Variants in ANO3 observed in about 807,000 individuals in gnomAD.
ANO3 encodes the protein anoctamin 3, also known as anoctamin-3.
In ANO3, 99 loss-of-function variants were observed where a neutral mutation model predicts 144.8. That is an observed-to-expected ratio of 0.68 (90% confidence interval 0.58 to 0.81). The LOEUF is 0.81. Among genes scored for constraint, ANO3 ranks in the 30% least tolerant of loss-of-function variants. The pLI is 0.00. For missense variants in ANO3, 905 were observed against 1,202.2 expected, an observed-to-expected ratio of 0.75 and a Z score of 3.66; for synonymous variants, 414 against 392.6, an observed-to-expected ratio of 1.05 and a Z score of -0.64.
At chr11:26,195,452 T>C (rs1006664756) in intron 1 of ANO3, among the ~76,000 whole-genome samples, 2 of 152,224 alleles carry the variant, frequency 1.3e-5, no homozygotes, top group African/African-American at 4.8e-5. Flanking sequence ...CCTGCTTTCA[T>C]AATTAAGAGT....
chr11:26,478,054 C>T (rs1426292311), intron 4 of ANO3, among the ~76,000 whole-genome samples: 1 of 152,142 alleles, frequency 6.6e-6, no homozygotes, highest in African/African-American at 2.4e-5. Flanking sequence ...CAAGGCCAAT[C>T]TGCACCACTA....
At chr11:26,624,427 G>A in intron 17 of ANO3, 35 bp from the exon 18 acceptor site, 1 of 1,505,520 alleles carries the variant, frequency 6.6e-7, no homozygotes, top group Non-Finnish European at 9.2e-7. Context: ...CAAAAGAGAG[G>A]AATAATGTTC....
At chr11:26,418,420 T>C (rs1857655788) in intron 1 of ANO3, among the ~76,000 whole-genome samples, 1 of 152,060 alleles carries the variant, frequency 6.6e-6, no homozygotes, top group Non-Finnish European at 1.5e-5. Flanking sequence ...AACCTCCCCA[T>C]TCTGAAACAG....
At chr11:26,501,897 AAAG>A (rs1232272434) in intron 4 of ANO3, among the ~76,000 whole-genome samples, 1 of 152,192 alleles carries the variant, frequency 6.6e-6, no homozygotes, top group African/African-American at 2.4e-5. Flanking sequence ...AGGGTGGTAT[AAAG>A]AAGGCTTTTT....
At chr11:26,371,100 A>T (rs1161827072) in intron 1 of ANO3, among the ~76,000 whole-genome samples, 1 of 152,150 alleles carries the variant, frequency 6.6e-6, no homozygotes, top group Non-Finnish European at 1.5e-5. Context: ...GGAGGCCTAG[A>T]TAGGAAAACT....
At chr11:26,224,354 T>G (rs1852213478) in intron 1 of ANO3, among the ~76,000 whole-genome samples, 1 of 152,240 alleles carries the variant, frequency 6.6e-6, no homozygotes, top group Non-Finnish European at 1.5e-5. Flanking sequence ...GTCCACATCT[T>G]TCTCCATCCC....
At position 26,508,105 on chromosome 11, in the gene ANO3, A is replaced by G; in HGVS notation, c.434A>G (p.Asn145Ser). The change falls in exon 5 of 27, where the codon AAT (asparagine) becomes AGT (serine). Residue 145 changes from asparagine (N) to serine (S), a missense_variant and splice_region_variant. Physicochemically the swap from Asn to Ser is conservative, Grantham distance 46. Coordinates refer to ENST00000256737, the MANE Select transcript of ANO3 (RefSeq NM_031418.4). The stretch of plus-strand genomic sequence containing the variant: ...TAACAATCATTGCTTTATTTGCAGA[A>G]TGACATGAATTACATAGCATCCAGT... The part of the protein sequence containing the change: ...KSEFKTKLSK[N>S]DMNYIASSGP... The G allele has an allele frequency of 6.4e-7, 1 of 1,572,264 alleles. No individual in the cohort carries two copies. Among genetic ancestry groups the G allele is most frequent in the Non-Finnish European group, 8.6e-7 (1 of 1,166,574 alleles).
intron 1 of ANO3, among the ~76,000 whole-genome samples, chr11:26,315,719 A>T (rs1854611859): frequency 6.6e-6 from 1 of 151,604 alleles, no homozygotes; most frequent in Non-Finnish European, 1.5e-5. Flanking sequence ...CTACCTACCT[A>T]CCTATCTACC....
At chr11:26,349,534 A>ATTGT (rs942971072) in intron 1 of ANO3, among the ~76,000 whole-genome samples, 5 of 151,790 alleles carry the variant, frequency 3.3e-5, no homozygotes. Context: ...GAGAATTGTT[A>ATTGT]TTGTTTGTTT....
chr11:26,263,054 G>T (rs1350518961), intron 1 of ANO3, among the ~76,000 whole-genome samples: 2 of 152,094 alleles, frequency 1.3e-5, no homozygotes, highest in South Asian at 2.1e-4. Flanking sequence ...TTTCAATTTT[G>T]TTGCCCATAT....
intron 11 of ANO3, among the ~76,000 whole-genome samples, chr11:26,543,917 A>G (rs1462632419): frequency 6.6e-6 from 1 of 152,022 alleles, no homozygotes; most frequent in Non-Finnish European, 1.5e-5. Context: ...CACAATAAAC[A>G]TACGCTTTTA....
At chr11:26,586,628 G>T (rs866328463) in intron 14 of ANO3, among the ~76,000 whole-genome samples, 4 of 149,590 alleles carry the variant, frequency 2.7e-5, no homozygotes, top group Non-Finnish European at 5.9e-5. Context: ...TCAGCCTCCC[G>T]AGTAGCTGGG....
At chr11:26,586,809 T>A (rs1455209493) in intron 14 of ANO3, among the ~76,000 whole-genome samples, 4 of 151,786 alleles carry the variant, frequency 2.6e-5, no homozygotes, top group African/African-American at 9.7e-5. Context: ...CCTCTAATGC[T>A]CCTGTATTCT....
intron 1 of ANO3, among the ~76,000 whole-genome samples, chr11:26,438,181 C>A (rs901344269): frequency 2.6e-5 from 4 of 152,100 alleles, no homozygotes; most frequent in Non-Finnish European, 4.4e-5. Context: ...GGGAAAGAAA[C>A]TCGCATTTAC....
At chr11:26,656,982 A>G (rs144130161) in intron 26 of ANO3, among the ~76,000 whole-genome samples, 102 of 152,290 alleles carry the variant, frequency 6.7e-4, no homozygotes, top group Non-Finnish European at 1.2e-3. Flanking sequence ...TCCATACAAT[A>G]ATATCTGATT....
At chr11:26,210,894 AC>A (rs1438023568) in intron 1 of ANO3, among the ~76,000 whole-genome samples, 1 of 151,860 alleles carries the variant, frequency 6.6e-6, no homozygotes, top group Non-Finnish European at 1.5e-5. Context: ...TGAAACTCCC[AC>A]ATAATAATAG....
intron 14 of ANO3, among the ~76,000 whole-genome samples, chr11:26,589,469 T>C (rs1164302977): frequency 6.6e-6 from 1 of 151,830 alleles, no homozygotes; most frequent in Non-Finnish European, 1.5e-5. Context: ...TTTGCACCCA[T>C]TTAAAGTGTC....
At chr11:26,381,424 C>T (rs766967646) in intron 1 of ANO3, among the ~76,000 whole-genome samples, 27 of 152,148 alleles carry the variant, frequency 1.8e-4, no homozygotes, top group Non-Finnish European at 3.7e-4. Context: ...TTCAATATCA[C>T]TACTTTCAAT....
intron 1 of ANO3, among the ~76,000 whole-genome samples, chr11:26,381,982 A>G (rs905329553): frequency 6.6e-6 from 1 of 152,190 alleles, no homozygotes; most frequent in African/African-American, 2.4e-5. Context: ...TGTATTTTGA[A>G]TATAGGATTA....
Sources: gnomAD v4.1 joint callset for allele counts (sites outside exome capture counted in the v4.1 genomes callset) on GRCh38, gnomAD v4.1.1 for gene constraint, MANE v1.5 for transcripts, NCBI Gene and HGNC (gene_info 2026-07-23, HGNC 2026-07-21) for gene names.